Variants in PALLD observed in about 807,000 individuals in gnomAD.
PALLD encodes palladin, cytoskeletal associated protein.
Under a neutral mutation model 123.5 loss-of-function variants are expected in PALLD, and 61 were observed. The ratio of observed to expected loss-of-function variants is 0.49; its 90% CI spans 0.40 to 0.61. PALLD has a LOEUF of 0.61. PALLD is among the 20% of genes least tolerant of loss of function. The pLI, the probability that PALLD is intolerant of heterozygous loss-of-function variation, is 0.00. For synonymous variants in PALLD, 465 were observed against 496.4 expected (o/e 0.94, Z 0.84); for missense variants, 1,273 against 1,377.0 (o/e 0.92, Z 1.20).
At chr4:168,813,011 G>A (rs1741385407) in intron 10 of PALLD, among the ~76,000 whole-genome samples, 1 of 152,124 alleles carries the variant, frequency 6.6e-6, no homozygotes, top group Non-Finnish European at 1.5e-5. Flanking sequence ...CTCCCCAGAG[G>A]CAAATTGATG....
chr4:168,748,750 T>A (rs1296564351), intron 10 of PALLD, among the ~76,000 whole-genome samples: 1 of 152,120 alleles, frequency 6.6e-6, no homozygotes, highest in African/African-American at 2.4e-5. Flanking sequence ...CGGGCCTTGG[T>A]CTCTTATTGG....
At chr4:168,873,210 T>A (rs1751309853) in intron 10 of PALLD, among the ~76,000 whole-genome samples, 1 of 152,172 alleles carries the variant, frequency 6.6e-6, no homozygotes, top group African/African-American at 2.4e-5. Flanking sequence ...CAGTGATGAG[T>A]CCACCATGTT....
intron 10 of PALLD, among the ~76,000 whole-genome samples, chr4:168,758,676 GAAAAA>G (rs796333853): frequency 1.3e-5 from 2 of 150,480 alleles, no homozygotes; most frequent in Non-Finnish European, 3.0e-5. Context: ...TTAGACTAGA[GAAAAA>G]AAAATATTAT....
chr4:168,587,972 C>T (rs1229741856), intron 2 of PALLD, among the ~76,000 whole-genome samples: 1 of 152,062 alleles, frequency 6.6e-6, no homozygotes, highest in Non-Finnish European at 1.5e-5. Flanking sequence ...AAGGGAGTCT[C>T]CTGGTGCCTT....
At chr4:168,817,383 T>G (rs574687734) in intron 10 of PALLD, among the ~76,000 whole-genome samples, 1 of 152,332 alleles carries the variant, frequency 6.6e-6, no homozygotes, top group South Asian at 2.1e-4. Context: ...TTCAGACATG[T>G]CCTGAACACT....
chr4:168,743,463 G>T (rs1476038474), intron 10 of PALLD, among the ~76,000 whole-genome samples: 1 of 152,028 alleles, frequency 6.6e-6, no homozygotes, highest in Non-Finnish European at 1.5e-5. Flanking sequence ...AGACATTAAT[G>T]ATGATGTTTC....
At chr4:168,778,832 T>C (rs1053821822) in intron 10 of PALLD, among the ~76,000 whole-genome samples, 1 of 152,228 alleles carries the variant, frequency 6.6e-6, no homozygotes, top group East Asian at 1.9e-4. Flanking sequence ...TATTTGTTTA[T>C]TTAATTTTTG....
chr4:168,555,003 T>C (rs1448361274), intron 2 of PALLD, among the ~76,000 whole-genome samples: 1 of 152,236 alleles, frequency 6.6e-6, no homozygotes, highest in African/African-American at 2.4e-5. Flanking sequence ...TTTTGAGTGA[T>C]TTTTTGTTTC....
chr4:168,783,839 G>A (rs1360594345), intron 10 of PALLD, among the ~76,000 whole-genome samples: 1 of 152,174 alleles, frequency 6.6e-6, no homozygotes, highest in African/African-American at 2.4e-5. Flanking sequence ...TAGCTGTATA[G>A]TGAGGGACCT....
At chr4:168,520,347 A>AAAGAGAGAGAG (rs1554034660) in intron 2 of PALLD, among the ~76,000 whole-genome samples, 6 of 84,024 alleles carry the variant, frequency 7.1e-5, no homozygotes, top group East Asian at 4.4e-4. Flanking sequence ...AAAAAAAAAA[A>AAAGAGAGAGAG]AGAGAGAGAG....
Position 168,735,282 on chromosome 4 carries a change from C to T in PALLD, c.1964+23359C>T, listed in dbSNP as rs1012583301. The stretch of plus-strand genomic sequence containing the variant: ...TGCTCTCGCCCCACTGGCCTTTTCT[C>T]GAGGTCCCGGCCCTCACTTCATCAG... On this transcript the variant is annotated intron_variant, in intron 10 of 21. Transcript: ENST00000505667. Among the ~76,000 whole-genome samples, 5 of 152,184 alleles carry T rather than the reference C, an allele frequency of 3.3e-5. No individual in the cohort carries two copies. The East Asian group carries it at 5.8e-4, about 18-fold the overall frequency.
chr4:168,497,717 G>A (rs1288328786), intron 1 of PALLD, among the ~76,000 whole-genome samples: 2 of 152,092 alleles, frequency 1.3e-5, no homozygotes, highest in Non-Finnish European at 2.9e-5. Flanking sequence ...AGTAACAGCA[G>A]GTATTTTAAA....
At chr4:168,517,211 C>A (rs1269035021) in intron 2 of PALLD, among the ~76,000 whole-genome samples, 1 of 152,070 alleles carries the variant, frequency 6.6e-6, no homozygotes, top group Non-Finnish European at 1.5e-5. Context: ...ACAAAGCATT[C>A]CTGTTTTATC....
chr4:168,866,163 G>C (rs75165877), intron 10 of PALLD, among the ~76,000 whole-genome samples: 2,307 of 152,190 alleles, frequency 0.015, 42 homozygotes, highest in South Asian at 0.074. Context: ...TGCTCATGAG[G>C]CTGAGGCAGA....
intron 10 of PALLD, among the ~76,000 whole-genome samples, chr4:168,860,198 T>A (rs1363153796): frequency 1.3e-5 from 2 of 152,292 alleles, no homozygotes; most frequent in Admixed American, 6.5e-5. Context: ...AAACTGCTGC[T>A]GAGTGTACAA....
At position 168,905,152 on chromosome 4, in the gene PALLD, T is replaced by TG. The variant is rs1560895135; in HGVS notation, c.2622+1246_2622+1247insG. ...TTGTTTTGTTGGTTTTTTTTTTTTTTTTTTTTTTTTTTTTTTGAGATGGAA... is the reference window on the plus strand; with the variant it reads ...TTGTTTTGTTGGTTTTTTTTTTTTTTGTTTTTTTTTTTTTTTTGAGATGGAA... On this transcript the variant is annotated intron_variant, in intron 15 of 21. Transcript: ENST00000505667. Among the ~76,000 whole-genome samples, 8 of 133,676 alleles carry TG rather than the reference T, an allele frequency of 6.0e-5. 1 individual carries two copies. The highest frequency in any genetic ancestry group is 1.1e-4 in the Non-Finnish European group (7 of 62,060). 87.7% of individuals were successfully genotyped at this position (133,676 alleles called of 152,430 possible).
At position 168,926,934 on chromosome 4, in the gene PALLD, G is replaced by C. The variant is rs1762647005; in HGVS notation, c.*754G>C. 1 of 219,476 alleles carries C rather than the reference G, an allele frequency of 4.6e-6. No individual in the cohort carries two copies. The highest frequency in any genetic ancestry group is 9.1e-6 in the Non-Finnish European group (1 of 109,510). The allele number at this position is 219,476 out of a possible 1,614,324, so 13.6% of individuals were successfully genotyped here. ...GTTTTTATATTAAATCATAAGGAAG[G>C]AACTACTTGCCTTAAATGTTAATAT... On this transcript the variant is annotated 3_prime_UTR_variant, in exon 22 of 22. Transcript: ENST00000505667.
chr4:168,557,008 G>A (rs1767382563), intron 2 of PALLD, among the ~76,000 whole-genome samples: 2 of 140,216 alleles, frequency 1.4e-5, no homozygotes, highest in South Asian at 4.6e-4. Context: ...TATTCAATGG[G>A]CTCTCAACTC....
intron 8 of PALLD, among the ~76,000 whole-genome samples, chr4:168,696,664 C>A (rs1783155395): frequency 6.7e-6 from 1 of 149,524 alleles, no homozygotes; most frequent in African/African-American, 2.5e-5. Context: ...TCATTCCACC[C>A]AAGAAATAAA....
Sources: gnomAD v4.1 joint callset for allele counts (sites outside exome capture counted in the v4.1 genomes callset) on GRCh38, gnomAD v4.1.1 for gene constraint, MANE v1.5 for transcripts, NCBI Gene and HGNC (gene_info 2026-07-23, HGNC 2026-07-21) for gene names.